The following AFF3 variants were observed in gnomAD, a reference collection of about 807,000 sequenced individuals.
AFF3 encodes AF4/FMR2 family member 3.
Under a neutral mutation model 129.7 loss-of-function variants are expected in AFF3, and 32 were observed. The observed-to-expected ratio is 0.25, with a 90% confidence interval of 0.19 to 0.33. The LOEUF is 0.33. Among genes scored for constraint, AFF3 ranks in the 10% least tolerant of loss-of-function variants. The probability of loss-of-function intolerance (pLI) is 1.00; values close to 1 mark genes in which losing one functional copy is unlikely to be tolerated. For synonymous variants in AFF3, 644 were observed against 635.4 expected, an observed-to-expected ratio of 1.01 and a Z score of -0.20; for missense variants, 1,373 against 1,592.0, an observed-to-expected ratio of 0.86 and a Z score of 2.34.
intron 7 of AFF3, among the ~76,000 whole-genome samples, chr2:99,958,152 T>C (rs1202458310): frequency 6.6e-6 from 1 of 152,000 alleles, no homozygotes; most frequent in Non-Finnish European, 1.5e-5. Flanking sequence ...AAACCATAGA[T>C]GCAAAGCCTG....
At chr2:99,947,601 A>AAGAAAGAAAGATAGATAGAT (rs765008346) in intron 7 of AFF3, among the ~76,000 whole-genome samples, 1 of 136,496 alleles carries the variant, frequency 7.3e-6, no homozygotes, top group Admixed American at 7.3e-5. Flanking sequence ...GAAAGAAAGA[A>AAGAAAGAAAGATAGATAGAT]AGATAGATAG....
intron 8 of AFF3, among the ~76,000 whole-genome samples, chr2:99,823,805 C>A (rs764771502): frequency 1.3e-5 from 2 of 152,138 alleles, no homozygotes; most frequent in East Asian, 3.9e-4. Flanking sequence ...CTTGCGGCAA[C>A]GTGGATGGAG....
intron 7 of AFF3, among the ~76,000 whole-genome samples, chr2:99,868,464 G>T (rs1324528758): frequency 6.6e-6 from 1 of 152,150 alleles, no homozygotes; most frequent in Non-Finnish European, 1.5e-5. Context: ...TGCCCTGAGG[G>T]AAGATGTGTC....
At chr2:100,074,305 A>C (rs1454660869) in intron 4 of AFF3, among the ~76,000 whole-genome samples, 1 of 152,014 alleles carries the variant, frequency 6.6e-6, no homozygotes, top group Non-Finnish European at 1.5e-5. Context: ...CACCTGTCCA[A>C]AGTATTCCTC....
intron 13 of AFF3, among the ~76,000 whole-genome samples, chr2:99,646,177 G>T (rs1398914262): frequency 1.3e-5 from 2 of 152,194 alleles, no homozygotes; most frequent in African/African-American, 4.8e-5. Flanking sequence ...GAACAAAATA[G>T]CTCCGGCCTT....
chr2:99,963,404 T>C (rs1677420429), intron 7 of AFF3, among the ~76,000 whole-genome samples: 1 of 152,110 alleles, frequency 6.6e-6, no homozygotes, highest in Admixed American at 6.5e-5. Flanking sequence ...CAGCATCTGA[T>C]GTGGTACACA....
intron 11 of AFF3, among the ~76,000 whole-genome samples, chr2:99,674,325 TTGGGAGTAGCCTAGGGAAG>T (rs1454151773): frequency 6.6e-6 from 1 of 152,178 alleles, no homozygotes; most frequent in Non-Finnish European, 1.5e-5. Context: ...AGAGCACTGT[TTGGGAGTAGCCTAGGGAAG>T]TGGGCTGTGT....
chr2:100,039,789 C>T (rs1021109912), intron 4 of AFF3, among the ~76,000 whole-genome samples: 5 of 152,146 alleles, frequency 3.3e-5, no homozygotes, highest in Non-Finnish European at 2.9e-5. Flanking sequence ...AAGTTCCCCT[C>T]CTCTTGGAAA....
chr2:100,054,906 T>C (rs199504037), intron 4 of AFF3, among the ~76,000 whole-genome samples: 5 of 152,166 alleles, frequency 3.3e-5, no homozygotes, highest in African/African-American at 1.2e-4. Flanking sequence ...ACTCCAAAGC[T>C]GAACCAGCCA....
chr2:99,768,623 A>G (rs1683210828), intron 8 of AFF3, among the ~76,000 whole-genome samples: 1 of 152,126 alleles, frequency 6.6e-6, no homozygotes, highest in Non-Finnish European at 1.5e-5. Flanking sequence ...CTGGCTCATT[A>G]ATGTCTTTTT....
At position 99,587,186 on chromosome 2, in the gene AFF3, C is replaced by G; in HGVS notation, c.2559G>C (p.Leu853Phe). ...TGTTCATGTTGCAGTGGTTTGCAGACAAAGTATTACTGGTGGAGGTGGCCA... is the reference window on the plus strand; with the variant it reads ...TGTTCATGTTGCAGTGGTTTGCAGAGAAAGTATTACTGGTGGAGGTGGCCA... ...SRLATSTSNT[L>F]SANHCNMNIN... The change falls in exon 16 of 25, where the codon TTG becomes TTC. Residue 853 changes from leucine to phenylalanine, a missense_variant. Physicochemically the swap from Leu to Phe is conservative, Grantham distance 22 (BLOSUM62 0). Around this residue, in one of 9 missense-constraint regions of AFF3, gnomAD observed 466 missense variants for 505.0 expected, o/e 0.92. Transcript: ENST00000672756. 2 of 1,614,178 alleles carry G rather than the reference C, an allele frequency of 1.2e-6. No homozygotes were observed. Among genetic ancestry groups the G allele is most frequent in the South Asian group, 2.2e-5 (2 of 91,072 alleles).
intron 8 of AFF3, among the ~76,000 whole-genome samples, chr2:99,761,599 A>C (rs1053039559): frequency 9.9e-5 from 15 of 152,262 alleles, no homozygotes; most frequent in African/African-American, 3.6e-4. Flanking sequence ...AGAAGAAACA[A>C]AAATAGAATT....
At chr2:100,104,863 G>C in intron 3 of AFF3, 1 of 447,590 alleles carries the variant, frequency 2.2e-6, no homozygotes, top group South Asian at 8.8e-5. Context: ...TTCTCCTCCG[G>C]GAGGCGCGTG....
chr2:99,786,612 G>A (rs1208083875), intron 8 of AFF3, among the ~76,000 whole-genome samples: 1 of 152,084 alleles, frequency 6.6e-6, no homozygotes, highest in East Asian at 1.9e-4. Flanking sequence ...GGGGTGTGGG[G>A]GCCAGTAAAT....
chr2:99,780,708 C>T (rs1030185039), intron 8 of AFF3, among the ~76,000 whole-genome samples: 7 of 152,148 alleles, frequency 4.6e-5, no homozygotes, highest in African/African-American at 1.4e-4. Flanking sequence ...TCCATTTGTT[C>T]AGATCCAAAC....
At chr2:99,603,406 G>A (rs1257151901) in intron 13 of AFF3, among the ~76,000 whole-genome samples, 1 of 152,190 alleles carries the variant, frequency 6.6e-6, no homozygotes, top group Non-Finnish European at 1.5e-5. Flanking sequence ...AATAAACGGT[G>A]CTGGGAGAAC....
chr2:99,802,557 G>A (rs1351869267), intron 8 of AFF3, among the ~76,000 whole-genome samples: 1 of 152,146 alleles, frequency 6.6e-6, no homozygotes, highest in East Asian at 1.9e-4. Flanking sequence ...TAGCTACTCA[G>A]GAGGCTGAGG....
At chr2:99,908,877 G>A (rs1475800485) in intron 7 of AFF3, among the ~76,000 whole-genome samples, 2 of 152,166 alleles carry the variant, frequency 1.3e-5, no homozygotes, top group African/African-American at 4.8e-5. Flanking sequence ...ACTGTTGGTG[G>A]GACTGTAAAC....
intron 7 of AFF3, among the ~76,000 whole-genome samples, chr2:99,876,138 C>T (rs2105988475): frequency 6.6e-6 from 1 of 152,276 alleles, no homozygotes; most frequent in Middle Eastern, 3.4e-3. Context: ...CCACTTCTCA[C>T]TCCATGCTCA....
Sources: gnomAD v4.1 joint callset for allele counts (sites outside exome capture counted in the v4.1 genomes callset) on GRCh38, gnomAD v4.1.1 for gene constraint, gnomAD v4.1.1 regional missense constraint, MANE v1.5 for transcripts, NCBI Gene and HGNC (gene_info 2026-07-23, HGNC 2026-07-21) for gene names.